Variants in AMMECR1 observed in about 807,000 individuals in gnomAD.
The protein encoded by AMMECR1 is nuclear protein AMMECR1.
A neutral mutation model predicts 22.5 loss-of-function variants in AMMECR1; 3 were observed. The ratio of observed to expected loss-of-function variants is 0.13; its 90% confidence interval spans 0.06 to 0.35. The LOEUF is 0.35. Ranked by LOEUF, AMMECR1 falls within the 10% of genes least tolerant of loss-of-function variation. The probability of loss-of-function intolerance (pLI) is 1.00; values close to 1 mark genes in which losing one functional copy is unlikely to be tolerated. For synonymous variants in AMMECR1, 130 were observed against 116.7 expected (o/e 1.11, Z -0.74); for missense variants, 235 against 278.7 (o/e 0.84, Z 1.12).
chrX:110,367,979 T>TATC (rs2068309538), intron 2 of AMMECR1, among the ~76,000 whole-genome samples: 1 of 88,563 alleles, frequency 1.1e-5, no homozygotes, highest in African/African-American at 4.7e-5. Flanking sequence ...GGCTAATTAT[T>TATC]ATTATTATTA....
At chrX:110,252,058 G>A (rs2067688779) in intron 2 of AMMECR1, among the ~76,000 whole-genome samples, 1 of 111,293 alleles carries the variant, frequency 9.0e-6, no homozygotes, top group Non-Finnish European at 1.9e-5. Flanking sequence ...GTATGTATAA[G>A]ATACTTCATA....
chrX:110,326,628 T>C (rs2068098820), intron 2 of AMMECR1, among the ~76,000 whole-genome samples: 1 of 112,097 alleles, frequency 8.9e-6, no homozygotes, highest in African/African-American at 3.2e-5. Context: ...TTAATTCTAG[T>C]TGGTGTATAG....
intron 2 of AMMECR1, among the ~76,000 whole-genome samples, chrX:110,370,854 C>A (rs898916349): frequency 3.6e-5 from 4 of 111,999 alleles, no homozygotes; most frequent in Non-Finnish European, 5.6e-5. Flanking sequence ...TATGGGCAGG[C>A]AGCTTGCAAA....
intron 2 of AMMECR1, among the ~76,000 whole-genome samples, chrX:110,382,738 A>G (rs2148276561): frequency 9.0e-6 from 1 of 111,265 alleles, no homozygotes; most frequent in South Asian, 3.8e-4. Flanking sequence ...CTACAAGTCT[A>G]CCCCAGAAGG....
chrX:110,295,940 CAGAT>C (rs1341010348), intron 1 of AMMECR1, among the ~76,000 whole-genome samples: 1 of 111,826 alleles, frequency 8.9e-6, no homozygotes, highest in Non-Finnish European at 1.9e-5. Context: ...TCTTTCAAAT[CAGAT>C]AGAAGAGTTA....
At chrX:110,246,039 T>C (rs2067656879) in intron 2 of AMMECR1, among the ~76,000 whole-genome samples, 1 of 112,557 alleles carries the variant, frequency 8.9e-6, no homozygotes, top group South Asian at 3.6e-4. Flanking sequence ...CTGCTAGAAG[T>C]AATATATAGG....
At chrX:110,326,745 G>A (rs907679437) in intron 2 of AMMECR1, among the ~76,000 whole-genome samples, 2 of 111,943 alleles carry the variant, frequency 1.8e-5, no homozygotes, top group African/African-American at 6.5e-5. Flanking sequence ...GACACTGGAC[G>A]GTTTAGTGAG....
At chrX:110,369,670 A>C (rs1052403543) in intron 2 of AMMECR1, among the ~76,000 whole-genome samples, 7 of 111,980 alleles carry the variant, frequency 6.3e-5, no homozygotes, top group African/African-American at 2.3e-4. Context: ...CCTGGAGGCA[A>C]ACACTCTTAC....
At chrX:110,236,863 C>G (rs983874514) in intron 2 of AMMECR1, among the ~76,000 whole-genome samples, 1 of 111,623 alleles carries the variant, frequency 9.0e-6, no homozygotes, top group Admixed American at 9.5e-5. Context: ...GTTAACTGTT[C>G]TTTTTAGTCT....
intron 2 of AMMECR1, among the ~76,000 whole-genome samples, chrX:110,362,142 A>AT (rs2068268093): frequency 9.0e-6 from 1 of 111,341 alleles, no homozygotes; most frequent in Non-Finnish European, 1.9e-5. Context: ...TGGAATAAAA[A>AT]ATATATATAT....
chrX:110,372,939 T>C (rs2068349784), intron 2 of AMMECR1, among the ~76,000 whole-genome samples: 1 of 112,044 alleles, frequency 8.9e-6, no homozygotes. Flanking sequence ...AGTAGAAGGA[T>C]GCTGCCCCAT....
intron 2 of AMMECR1, among the ~76,000 whole-genome samples, chrX:110,333,891 G>A (rs374283503): frequency 5.5e-5 from 6 of 109,989 alleles, no homozygotes; most frequent in African/African-American, 2.0e-4. Flanking sequence ...TGGGTTTATG[G>A]GTGCAGCAAA....
At chrX:110,425,999 AACG>A (rs2068751075) in intron 2 of AMMECR1, among the ~76,000 whole-genome samples, 2 of 108,867 alleles carry the variant, frequency 1.8e-5, no homozygotes, top group African/African-American at 6.8e-5. Flanking sequence ...CACACACACA[AACG>A]CACACACACA....
In AMMECR1 at chrX:110,367,214, T is replaced by A. The variant is rs765449265; in HGVS notation, c.-147-49365A>T. ...TTCTTTCATTGAACAACATCTTCAA[T>A]GTTTAAAAAATCTGTTCTCTTCACC... On this transcript the variant is annotated intron_variant, in intron 2 of 7. Coordinates refer to the AMMECR1 transcript ENST00000372057. 4.5e-5 allele frequency among the ~76,000 whole-genome samples: 5 copies of A among 112,195 alleles called. No individual in the cohort carries two copies. The East Asian group carries it at 1.4e-3, about 31-fold the overall frequency.
At chrX:110,246,189 A>G (rs979598768) in intron 2 of AMMECR1, among the ~76,000 whole-genome samples, 3 of 112,003 alleles carry the variant, frequency 2.7e-5, no homozygotes, top group Admixed American at 9.5e-5. Context: ...TAATAGCACA[A>G]CTTAATAGGT....
intron 2 of AMMECR1, among the ~76,000 whole-genome samples, chrX:110,368,790 A>C (rs1325264108): frequency 8.9e-6 from 1 of 111,745 alleles, no homozygotes; most frequent in Non-Finnish European, 1.9e-5. Flanking sequence ...GCTGGCACAT[A>C]ATAGGTGCTC....
intron 2 of AMMECR1, among the ~76,000 whole-genome samples, chrX:110,250,446 G>A (rs964473326): frequency 9.0e-6 from 1 of 111,645 alleles, no homozygotes; most frequent in African/African-American, 3.3e-5. Context: ...CAACAATAAG[G>A]GAAGAGTTAA....
intron 2 of AMMECR1, among the ~76,000 whole-genome samples, chrX:110,365,257 C>G (rs888088039): frequency 1.8e-5 from 2 of 111,596 alleles, no homozygotes; most frequent in Admixed American, 1.9e-4. Context: ...AAGATAGGGT[C>G]AGGAGCCTGC....
chrX:110,289,511 A>G (rs1029903056), intron 1 of AMMECR1, among the ~76,000 whole-genome samples: 9 of 112,333 alleles, frequency 8.0e-5, no homozygotes, highest in Non-Finnish European at 1.1e-4. Context: ...AAGATAGTTT[A>G]CTTACATTAT....
Sources: gnomAD v4.1 joint callset for allele counts (sites outside exome capture counted in the v4.1 genomes callset) on GRCh38, gnomAD v4.1.1 for gene constraint, MANE v1.5 for transcripts, NCBI Gene and HGNC (gene_info 2026-07-23, HGNC 2026-07-21) for gene names.